Variants in C8orf34 observed in about 807,000 individuals in gnomAD.
C8orf34 encodes the protein uncharacterized protein C8orf34.
In C8orf34, 65 loss-of-function variants were observed where a neutral mutation model predicts 68.3. The ratio of observed to expected loss-of-function variants is 0.95; its 90% confidence interval spans 0.78 to 1.17. The LOEUF (loss-of-function observed/expected upper bound fraction) is 1.17. Ranked by LOEUF, C8orf34 falls within the 50% of genes most tolerant of loss-of-function variation. The pLI is 0.00. For missense variants in C8orf34, 664 were observed against 655.4 expected (o/e 1.01, Z -0.14); for synonymous variants, 244 against 241.2 (o/e 1.01, Z -0.11).
At position 68,418,565 on chromosome 8, in the gene C8orf34, G is replaced by C. The variant is rs552104604; in HGVS notation, c.328-20934G>C. ...CTGTTGAGATAATCATGTGGTTTTT[G>C]TCTTTGGTTCTGTTTATATGCTGGA... On this transcript the variant is annotated intron_variant, in intron 1 of 13. Transcript: ENST00000518698. Among the ~76,000 whole-genome samples the C allele has an allele frequency of 7.7e-4, 117 of 152,194 alleles. 1 individual carries two copies. In the South Asian group the frequency reaches 0.023, roughly 31 times the overall value.
At chr8:68,646,637 C>T (rs1055213017) in intron 8 of C8orf34, among the ~76,000 whole-genome samples, 1 of 152,074 alleles carries the variant, frequency 6.6e-6, no homozygotes, top group Non-Finnish European at 1.5e-5. Flanking sequence ...CCCCCTTCCC[C>T]CAGCCTCTGG....
intron 10 of C8orf34, among the ~76,000 whole-genome samples, chr8:68,740,032 G>A (rs1822236413): frequency 6.6e-6 from 1 of 152,146 alleles, no homozygotes; most frequent in African/African-American, 2.4e-5. Context: ...AAATGATGCT[G>A]GGATAACTGG....
At chr8:68,576,777 A>G (rs1240039766) in intron 7 of C8orf34, among the ~76,000 whole-genome samples, 2 of 152,136 alleles carry the variant, frequency 1.3e-5, no homozygotes, top group South Asian at 2.1e-4. Context: ...TAAAATATAT[A>G]TAACCATAAC....
chr8:68,619,958 G>T (rs1818340546), intron 7 of C8orf34, among the ~76,000 whole-genome samples: 1 of 152,196 alleles, frequency 6.6e-6, no homozygotes. Flanking sequence ...TGGGTGTGTA[G>T]GGTATAGAAA....
intron 8 of C8orf34, among the ~76,000 whole-genome samples, chr8:68,672,983 C>T (rs1820063224): frequency 6.6e-6 from 1 of 152,070 alleles, no homozygotes; most frequent in Non-Finnish European, 1.5e-5. Context: ...CCATTCCAGG[C>T]CCTAGCTCTC....
chr8:68,743,339 T>G (rs1822360072), intron 10 of C8orf34, among the ~76,000 whole-genome samples: 1 of 152,216 alleles, frequency 6.6e-6, no homozygotes, highest in South Asian at 2.1e-4. Flanking sequence ...AATTTAGGTA[T>G]TATAAGATTT....
chr8:68,670,324 G>A (rs1295713715), intron 8 of C8orf34, among the ~76,000 whole-genome samples: 1 of 152,088 alleles, frequency 6.6e-6, no homozygotes, highest in Non-Finnish European at 1.5e-5. Context: ...ATCTGACCAA[G>A]GAAACTTATT....
intron 3 of C8orf34, among the ~76,000 whole-genome samples, chr8:68,463,810 T>C (rs1194812061): frequency 3.3e-5 from 5 of 152,078 alleles, no homozygotes; most frequent in African/African-American, 7.2e-5. Flanking sequence ...TAAGAGCTAT[T>C]TATGACAAAC....
At chr8:68,426,518 C>CAAAAAAAAA (rs753578060) in intron 1 of C8orf34, among the ~76,000 whole-genome samples, 5 of 29,626 alleles carry the variant, frequency 1.7e-4, no homozygotes, top group Non-Finnish European at 2.2e-4. Context: ...GACCTTGTCT[C>CAAAAAAAAA]AAAAAAAAAA....
intron 10 of C8orf34, among the ~76,000 whole-genome samples, chr8:68,744,144 G>T (rs975889116): frequency 6.6e-6 from 1 of 152,060 alleles, no homozygotes; most frequent in African/African-American, 2.4e-5. Flanking sequence ...CACACGGCTG[G>T]GTACTCCAAC....
intron 7 of C8orf34, among the ~76,000 whole-genome samples, chr8:68,638,273 A>C (rs913471859): frequency 1.3e-5 from 2 of 152,038 alleles, no homozygotes. Context: ...TGGTGCCACC[A>C]AAAATGCCAG....
chr8:68,512,044 A>G (rs771863048), intron 5 of C8orf34, among the ~76,000 whole-genome samples: 10 of 152,156 alleles, frequency 6.6e-5, no homozygotes, highest in Non-Finnish European at 1.3e-4. Flanking sequence ...AGAAGCCTGT[A>G]TTTGGGAGCA....
chr8:68,556,619 G>A (rs368391407), intron 7 of C8orf34, among the ~76,000 whole-genome samples: 46 of 152,160 alleles, frequency 3.0e-4, no homozygotes, highest in African/African-American at 1.0e-3. Flanking sequence ...AAGAGCCGAG[G>A]GCACCTCTGA....
chr8:68,351,362 T>C lies in C8orf34; in HGVS notation c.327+20023T>C, dbSNP rs77329538. The stretch of plus-strand genomic sequence containing the variant: ...GATAAGGTTCCCTTTGTATGTGAAC[T>C]GCCTTTTCTCTCCAGCTGCCTTTAA... On this transcript the variant is annotated intron_variant, in intron 1 of 13. Coordinates refer to ENST00000518698, the MANE Select transcript of C8orf34 (RefSeq NM_052958.4). Among the ~76,000 whole-genome samples, 1,228 of 152,078 alleles carry C rather than the reference T, an allele frequency of 8.1e-3. 40 individuals are homozygous for C. The East Asian group carries it at 0.1, about 13-fold the overall frequency.
At chr8:68,478,154 G>C (rs1812702526) in intron 4 of C8orf34, among the ~76,000 whole-genome samples, 1 of 152,118 alleles carries the variant, frequency 6.6e-6, no homozygotes, top group Admixed American at 6.6e-5. Context: ...TAGTCAGCCT[G>C]CAAAATTTTC....
intron 7 of C8orf34, among the ~76,000 whole-genome samples, chr8:68,606,310 A>G (rs1817851526): frequency 6.6e-6 from 1 of 152,090 alleles, no homozygotes; most frequent in Non-Finnish European, 1.5e-5. Flanking sequence ...GTCTTACTTT[A>G]TTTTACATCC....
chr8:68,553,316 C>T (rs964179062), intron 7 of C8orf34, among the ~76,000 whole-genome samples: 10 of 136,622 alleles, frequency 7.3e-5, no homozygotes, highest in South Asian at 2.4e-4. Flanking sequence ...ACCCGGGAGG[C>T]GGAGCTTGCA....
At chr8:68,556,018 C>T (rs1268362877) in intron 7 of C8orf34, among the ~76,000 whole-genome samples, 1 of 152,094 alleles carries the variant, frequency 6.6e-6, no homozygotes, top group African/African-American at 2.4e-5. Flanking sequence ...CATTTTGTGA[C>T]AGTCAGTCAG....
Position 68,393,597 on chromosome 8 carries a change from ATAGAG to A in C8orf34, c.328-45901_328-45897del, listed in dbSNP as rs1335168071. On this transcript the variant is annotated intron_variant, in intron 1 of 13. Coordinates refer to ENST00000518698, the MANE Select transcript of C8orf34 (RefSeq NM_052958.4). ...AAGAAAATGACACCATGGCAAAAAA[ATAGAG>A]AAAGAGGAGGCTTTAGAAGAAGATT... is the stretch of plus-strand genomic sequence containing the variant. Among the ~76,000 whole-genome samples, 1,290 of 151,946 alleles carry A rather than the reference ATAGAG, an allele frequency of 8.5e-3. 15 individuals are homozygous for A. The highest frequency in any genetic ancestry group is 0.029 in the African/African-American group (1,191 of 41,496).
Sources: gnomAD v4.1 joint callset for allele counts (sites outside exome capture counted in the v4.1 genomes callset) on GRCh38, gnomAD v4.1.1 for gene constraint, MANE v1.5 for transcripts, NCBI Gene and HGNC (gene_info 2026-07-23, HGNC 2026-07-21) for gene names.